Variants in GRK5 observed in about 807,000 individuals in gnomAD.
The protein encoded by GRK5 is G protein-coupled receptor kinase 5, also known as g protein-coupled receptor kinase GRK5.
Under a neutral mutation model 78.4 loss-of-function variants are expected in GRK5, and 40 were observed. The observed-to-expected ratio is 0.51, with a 90% CI of 0.40 to 0.66. The LOEUF is 0.66. Among genes scored for constraint, GRK5 ranks in the 30% least tolerant of loss-of-function variants. The pLI is 0.00. For missense variants in GRK5, 598 were observed against 759.9 expected (o/e 0.79, Z 2.50); for synonymous variants, 289 against 296.8 (o/e 0.97, Z 0.27).
chr10:119,232,318 G>C (rs1236568498), intron 1 of GRK5, among the ~76,000 whole-genome samples: 1 of 152,160 alleles, frequency 6.6e-6, no homozygotes, highest in African/African-American at 2.4e-5. Flanking sequence ...GATAATACTA[G>C]AGGCTGGGAA....
At chr10:119,438,117 G>A (rs965811408) in intron 9 of GRK5, among the ~76,000 whole-genome samples, 3 of 152,182 alleles carry the variant, frequency 2.0e-5, no homozygotes, top group African/African-American at 4.8e-5. Flanking sequence ...TTCTTCTGTC[G>A]AGTTGCCATT....
chr10:119,234,447 G>A (rs944022455), intron 1 of GRK5, among the ~76,000 whole-genome samples: 2 of 152,218 alleles, frequency 1.3e-5, no homozygotes, highest in African/African-American at 4.8e-5. Flanking sequence ...AAACGAGGAA[G>A]CTGAGGCACA....
intron 2 of GRK5, among the ~76,000 whole-genome samples, chr10:119,359,939 G>A (rs1193200541): frequency 2.0e-5 from 3 of 152,094 alleles, no homozygotes; most frequent in African/African-American, 7.2e-5. Flanking sequence ...AGGTTGAGGA[G>A]ATTGAGGAGG....
Position 119,407,781 on chromosome 10 carries a change from T to C in GRK5, c.339+11009T>C, listed in dbSNP as rs140825709. On this transcript the variant is annotated intron_variant, in intron 4 of 15. Transcript: ENST00000392870. ...GCTCATGCCTGTAATCTCAACACTT[T>C]GGGAGGCCAAGGCAGGAGGATTACT... Among the ~76,000 whole-genome samples, 385 of 152,172 alleles carry C rather than the reference T, an allele frequency of 2.5e-3. 3 individuals are homozygous for C. The highest frequency in any genetic ancestry group is 9.1e-3 in the African/African-American group (379 of 41,518).
chr10:119,443,475 G>T (rs1335799758), intron 11 of GRK5, 69 bp from the exon 12 acceptor site: 2 of 1,421,468 alleles, frequency 1.4e-6, no homozygotes, highest in Non-Finnish European at 1.9e-6. Flanking sequence ...GAAACTCCAG[G>T]CCTTCTGTGA....
intron 1 of GRK5, among the ~76,000 whole-genome samples, chr10:119,245,240 T>C (rs938141114): frequency 2.0e-5 from 3 of 152,016 alleles, no homozygotes; most frequent in African/African-American, 7.3e-5. Flanking sequence ...ATCGCACTAC[T>C]GCACTGCAGC....
At chr10:119,240,301 T>G (rs557314876) in intron 1 of GRK5, among the ~76,000 whole-genome samples, 4 of 147,270 alleles carry the variant, frequency 2.7e-5, no homozygotes, top group Non-Finnish European at 6.0e-5. Flanking sequence ...TCTGGGTTCA[T>G]GCCATTCTCC....
rs1025886915 is a variant in GRK5, at chr10:119,271,659, G to A, written c.53-54857G>A. ...GGGTTTTGTCGCCACCTTTGGCAAT[G>A]GAAGAGGGGAACGTGGGGCCTTTGA... On this transcript the variant is annotated intron_variant, in intron 1 of 15. Transcript: ENST00000392870. The surrounding 1 kb of genome is among the most constrained non-coding windows in gnomAD (Gnocchi z 4.1). Among the ~76,000 whole-genome samples the A allele has an allele frequency of 6.6e-6, 1 of 152,196 alleles. No homozygotes were observed. Among genetic ancestry groups the A allele is most frequent in the African/African-American group, 2.4e-5 (1 of 41,438 alleles).
intron 2 of GRK5, among the ~76,000 whole-genome samples, chr10:119,377,028 T>C (rs1157006916): frequency 6.6e-6 from 1 of 152,178 alleles, no homozygotes; most frequent in African/African-American, 2.4e-5. Context: ...TGTGTGTGCC[T>C]GTGTGTACAG....
chr10:119,261,082 A>G (rs1354242048), intron 1 of GRK5, among the ~76,000 whole-genome samples: 49 of 43,456 alleles, frequency 1.1e-3, no homozygotes, highest in Admixed American at 1.5e-3. Context: ...CCGGGCGGAG[A>G]CGCTCCTCAC....
intron 1 of GRK5, among the ~76,000 whole-genome samples, chr10:119,225,057 C>T (rs1034994018): frequency 2.0e-5 from 3 of 152,104 alleles, no homozygotes; most frequent in African/African-American, 7.2e-5. Flanking sequence ...ACAAAAATTA[C>T]CCCAAGGGAA....
chr10:119,290,359 A>AAC (rs1849930474), intron 1 of GRK5, among the ~76,000 whole-genome samples: 1 of 142,476 alleles, frequency 7.0e-6, no homozygotes, highest in African/African-American at 2.7e-5. Flanking sequence ...AAAAAAAAAA[A>AAC]AAAACAAAAA....
chr10:119,258,121 C>T (rs1849318626), intron 1 of GRK5, among the ~76,000 whole-genome samples: 1 of 152,150 alleles, frequency 6.6e-6, no homozygotes. Flanking sequence ...CTTGTAGTTA[C>T]CTCCTACTCC....
At chr10:119,290,618 C>T (rs570520793) in intron 1 of GRK5, among the ~76,000 whole-genome samples, 1 of 152,082 alleles carries the variant, frequency 6.6e-6, no homozygotes, top group South Asian at 2.1e-4. Flanking sequence ...CAGCCATTCC[C>T]AAGGACTCAC....
chr10:119,398,159 G>A (rs567018109), intron 4 of GRK5, among the ~76,000 whole-genome samples: 4 of 152,276 alleles, frequency 2.6e-5, no homozygotes, highest in South Asian at 4.1e-4. Context: ...GGACACAGAC[G>A]AGGAGACGTT....
Position 119,253,438 on chromosome 10 carries a change from T to G in GRK5, c.52+45469T>G, listed in dbSNP as rs961695353. Among the ~76,000 whole-genome samples the G allele has an allele frequency of 2.6e-5, 4 of 152,012 alleles. No homozygotes were observed. The highest frequency in any genetic ancestry group is 7.2e-5 in the African/African-American group (3 of 41,380). ...CCTCCCCACCACCCCTGCCCTCCGT[T>G]CCTTTTATATTTAAATCAGAAGCTT... is the stretch of plus-strand genomic sequence containing the variant. On this transcript the variant is annotated intron_variant, in intron 1 of 15. Coordinates refer to ENST00000392870, the MANE Select transcript of GRK5 (RefSeq NM_005308.3). The surrounding 1 kb of genome is among the most constrained non-coding windows in gnomAD (Gnocchi z 5.7).
intron 2 of GRK5, among the ~76,000 whole-genome samples, chr10:119,375,304 C>T (rs1281653381): frequency 6.6e-6 from 1 of 152,188 alleles, no homozygotes; most frequent in African/African-American, 2.4e-5. Context: ...CTCCTCCCAG[C>T]CTCAAGCCCC....
rs770147450 is a variant in GRK5 at position 119,436,771 on chromosome 10, C to T, written c.859C>T (p.Arg287Trp). The T allele has an allele frequency of 3.7e-6, 6 of 1,614,102 alleles. No individual in the cohort carries two copies. Among genetic ancestry groups the T allele is most frequent in the East Asian group, 2.2e-5 (1 of 44,874 alleles). The stretch of plus-strand genomic sequence containing the variant: ...GGGCAACCCTGGCTTCGAGGAGGAG[C>T]GGGCCTTGTTTTATGCGGCAGAGAT... The part of the protein sequence containing the change: ...NMGNPGFEEE[R>W]ALFYAAEILC... Residue 287 changes from arginine (R) to tryptophan (W), a missense_variant, in exon 9 of 16, where the codon CGG (arginine) becomes TGG (tryptophan). By Grantham distance (101) the Arg-to-Trp change is moderately radical. Transcript: ENST00000392870.
At chr10:119,411,842 C>CTTCTTTTTTTTTTTTTTT (rs1852343285) in intron 4 of GRK5, among the ~76,000 whole-genome samples, 1 of 95,978 alleles carries the variant, frequency 1.0e-5, no homozygotes, top group Non-Finnish European at 2.1e-5. Context: ...AGATCTGCTT[C>CTTCTTTTTTTTTTTTTTT]TTTTTTTTTT....
Sources: gnomAD v4.1 joint callset for allele counts (sites outside exome capture counted in the v4.1 genomes callset) on GRCh38, gnomAD v4.1.1 for gene constraint, Gnocchi (gnomAD v3.1) non-coding constraint, MANE v1.5 for transcripts, NCBI Gene and HGNC (gene_info 2026-07-23, HGNC 2026-07-21) for gene names.